Variants in PLSCR2 observed in about 807,000 individuals in gnomAD.
The protein encoded by PLSCR2 is phospholipid scramblase 2.
A neutral mutation model predicts 25.3 loss-of-function variants in PLSCR2; 18 were observed. The observed-to-expected ratio is 0.71, with a 90% CI of 0.49 to 1.06. The LOEUF (loss-of-function observed/expected upper bound fraction) is 1.06. Among genes scored for constraint, PLSCR2 ranks in the 50% least tolerant of loss-of-function variants. The pLI is 0.00. For synonymous variants in PLSCR2, 88 were observed against 87.3 expected, an observed-to-expected ratio of 1.01 and a Z score of -0.04; for missense variants, 243 against 269.5, an observed-to-expected ratio of 0.90 and a Z score of 0.69.
At chr3:146,435,447 T>C (rs2039784330) in intron 8 of PLSCR2, among the ~76,000 whole-genome samples, 1 of 152,210 alleles carries the variant, frequency 6.6e-6, no homozygotes, top group African/African-American at 2.4e-5. Flanking sequence ...TTTCCTGACT[T>C]TTTAATGACT....
intron 2 of PLSCR2, among the ~76,000 whole-genome samples, chr3:146,399,978 C>T (rs544801866): frequency 4.0e-5 from 6 of 151,748 alleles, no homozygotes; most frequent in East Asian, 1.9e-4. Flanking sequence ...ACTAGCAAAA[C>T]GAAACAAAAC....
chr3:146,411,530 A>T (rs777839840), intron 2 of PLSCR2, among the ~76,000 whole-genome samples: 1 of 152,228 alleles, frequency 6.6e-6, no homozygotes, highest in Non-Finnish European at 1.5e-5. Context: ...CCTCCGAGCC[A>T]GCCGTCCTTC....
At chr3:146,478,416 A>T (rs1193384132) in intron 1 of PLSCR2, among the ~76,000 whole-genome samples, 2 of 152,212 alleles carry the variant, frequency 1.3e-5, no homozygotes, top group African/African-American at 2.4e-5. Context: ...ATGGAGGTAA[A>T]AACCATGGCA....
At chr3:146,487,710 C>T (rs1315965394) in intron 1 of PLSCR2, among the ~76,000 whole-genome samples, 3 of 151,790 alleles carry the variant, frequency 2.0e-5, no homozygotes, top group African/African-American at 7.3e-5. Context: ...TGCTTGTGAA[C>T]AGGAAGAATC....
chr3:146,419,117 C>G (rs1318808941), intron 2 of PLSCR2, among the ~76,000 whole-genome samples: 3 of 151,986 alleles, frequency 2.0e-5, no homozygotes, highest in African/African-American at 4.8e-5. Context: ...TTTTCTCTCT[C>G]TCTTCTTTTT....
intron 6 of PLSCR2, among the ~76,000 whole-genome samples, chr3:146,446,508 A>G (rs1308116793): frequency 1.3e-5 from 2 of 152,098 alleles, no homozygotes; most frequent in East Asian, 3.9e-4. Flanking sequence ...CTTTCCCCCA[A>G]CAAGGAGCGT....
At chr3:146,464,042 G>C (rs1019113102), upstream of PLSCR2, 17 of 871,574 alleles carry the variant, frequency 2.0e-5, no homozygotes, top group African/African-American at 3.1e-4. Flanking sequence ...TAACTTCCCG[G>C]ATTTTCTTAG....
chr3:146,454,130 C>T, exon 5 of PLSCR2: 1 of 1,599,954 alleles, frequency 6.3e-7, no homozygotes, highest in Non-Finnish European at 8.5e-7. Context: ...GTAACATAAC[C>T]TACTGGTACA....
downstream of PLSCR2, among the ~76,000 whole-genome samples, chr3:146,431,731 A>C (rs573627063): frequency 2.0e-5 from 3 of 152,300 alleles, no homozygotes; most frequent in East Asian, 5.8e-4. Flanking sequence ...GTTATCACTA[A>C]AAGAATACGA....
chr3:146,416,834 G>A (rs1576586170), intron 2 of PLSCR2, among the ~76,000 whole-genome samples: 1 of 152,286 alleles, frequency 6.6e-6, no homozygotes, highest in Admixed American at 6.5e-5. Flanking sequence ...AATTTTAGGA[G>A]TACAAGTACT....
chr3:146,411,913 C>A (rs111945461), intron 2 of PLSCR2, among the ~76,000 whole-genome samples: 1,734 of 148,740 alleles, frequency 0.012, 41 homozygotes, highest in African/African-American at 0.043. Context: ...TAGACGAATT[C>A]TTGGGAATTG....
chr3:146,431,444 CT>C (rs2039542299), downstream of PLSCR2, among the ~76,000 whole-genome samples: 1 of 152,156 alleles, frequency 6.6e-6, no homozygotes, highest in Admixed American at 6.5e-5. Flanking sequence ...TGAATGCTTG[CT>C]GCATGATGAC....
rs139058455 is a variant in PLSCR2, at chr3:146,465,761, T to A, written c.-292-5477A>T. Among the ~76,000 whole-genome samples the A allele has an allele frequency of 4.0e-3, 603 of 152,310 alleles. 3 individuals carry two copies. Among genetic ancestry groups the A allele is most frequent in the African/African-American group, 0.014 (574 of 41,560 alleles). On this transcript the variant is annotated intron_variant, in intron 1 of 8. Coordinates refer to the PLSCR2 transcript ENST00000336685. ...TGCTATGCCAGAGGGGAACTGTGAA[T>A]AGCCCAGGGAGAAGGCAACATTTAT...
At chr3:146,435,541 C>T (rs1292940476) in intron 8 of PLSCR2, among the ~76,000 whole-genome samples, 5 of 152,118 alleles carry the variant, frequency 3.3e-5, no homozygotes, top group African/African-American at 4.8e-5. Flanking sequence ...AGCATTTTTT[C>T]GTGTGTCTGT....
intron 1 of PLSCR2, among the ~76,000 whole-genome samples, chr3:146,487,142 A>G (rs1002989206): frequency 6.6e-6 from 1 of 152,128 alleles, no homozygotes; most frequent in Admixed American, 6.5e-5. Context: ...CTCTCAATAA[A>G]CTAAGTACTG....
intron 1 of PLSCR2, among the ~76,000 whole-genome samples, chr3:146,482,140 C>T (rs2043152578): frequency 6.6e-6 from 1 of 152,100 alleles, no homozygotes; most frequent in Non-Finnish European, 1.5e-5. Context: ...AAAACCTAGG[C>T]AATACCATTC....
chr3:146,444,684 C>T (rs2868437), intron 6 of PLSCR2, among the ~76,000 whole-genome samples: 1 of 151,482 alleles, frequency 6.6e-6, no homozygotes, highest in Non-Finnish European at 1.5e-5. Flanking sequence ...AGGTAGGTTG[C>T]GTCTTGTTTG....
At chr3:146,476,884 A>T (rs1314622251) in intron 1 of PLSCR2, among the ~76,000 whole-genome samples, 2 of 152,254 alleles carry the variant, frequency 1.3e-5, no homozygotes, top group Non-Finnish European at 2.9e-5. Flanking sequence ...AGGGGGAAGG[A>T]TAGTCATGGT....
At chr3:146,413,271 C>G (rs2038912876) in intron 2 of PLSCR2, among the ~76,000 whole-genome samples, 1 of 152,096 alleles carries the variant, frequency 6.6e-6, no homozygotes, top group Non-Finnish European at 1.5e-5. Context: ...ACCTGGCTCC[C>G]TTGTATTTTT....
Sources: allele counts gnomAD v4.1 joint callset (sites outside exome capture counted in the v4.1 genomes callset), GRCh38; gene constraint gnomAD v4.1.1; transcripts MANE v1.5; gene names NCBI Gene and HGNC (gene_info 2026-07-23, HGNC 2026-07-21).